Variants in REXO2 observed in about 807,000 individuals in gnomAD.
REXO2 encodes the protein RNA exonuclease 2.
In REXO2, 17 loss-of-function variants were observed where a neutral mutation model predicts 30.9. The observed-to-expected ratio is 0.55, with a 90% CI of 0.38 to 0.82. The LOEUF (loss-of-function observed/expected upper bound fraction) is 0.82, where lower values mean the gene tolerates loss of function less well. REXO2 is among the 40% of genes least tolerant of loss of function. The pLI is 0.00. For synonymous variants in REXO2, 105 were observed against 99.6 expected (o/e 1.05, Z -0.32); for missense variants, 253 against 293.2 (o/e 0.86, Z 1.00).
chr11:114,449,967 G>T lies in REXO2; in HGVS notation c.706G>T (p.Val236Leu). Residue 236 changes from valine to leucine, a missense_variant, in exon 7 of 7, where the codon GTG becomes TTG. By Grantham distance (32) the Val-to-Leu change is conservative. Transcript: ENST00000265881. Reference sequence around the variant, plus strand: ...AGAAAATGGGGAAAATGAGAAGACCGTGAGTTGATGCCAGTTATCATGCTG... The same window carrying T: ...AGAAAATGGGGAAAATGAGAAGACCTTGAGTTGATGCCAGTTATCATGCTG... ...IIENGENEKT[V>L]S 6.3e-7 allele frequency: 1 copy of T among 1,598,654 alleles called. No individual in the cohort carries two copies.
rs1946470569 is a variant in REXO2, at chr11:114,440,673, T to C, written c.165T>C (p.Ile55=). 1 of 1,613,386 alleles carries C rather than the reference T, an allele frequency of 6.2e-7. No homozygotes were observed. Among genetic ancestry groups the C allele is most frequent in the South Asian group, 1.1e-5 (1 of 91,032 alleles). Residue 55 remains isoleucine (I), a synonymous_variant, in exon 2 of 7, where the codon ATT becomes ATC. Coordinates refer to ENST00000265881, the MANE Select transcript of REXO2 (RefSeq NM_015523.4). ...WVDLEMTGLD[I]EKDQIIEMAC... ...AATTGCAGATGACAGGATTGGACAT[T>C]GAGAAGGACCAGATTATTGAGATGG...
Position 114,447,823 on chromosome 11 carries a change from T to C in REXO2, c.531-3T>C, listed in dbSNP as rs2134787780. The C allele has an allele frequency of 6.2e-7, 1 of 1,613,262 alleles. No homozygotes were observed. The highest frequency in any genetic ancestry group is 2.2e-5 in the East Asian group (1 of 44,862). ...TTGAGAGTTCCATTTCTGCTGTGTA[T>C]AGACGCTGGTATCCAGAAGAATATG... On this transcript the variant is annotated splice_region_variant and splice_polypyrimidine_tract_variant and intron_variant, in intron 5 of 6. Coordinates refer to ENST00000265881, the MANE Select transcript of REXO2 (RefSeq NM_015523.4).
In REXO2 at chr11:114,447,790, A is replaced by C. The variant is rs952329826; in HGVS notation, c.531-36A>C. On this transcript the variant is annotated intron_variant, in intron 5 of 6. Coordinates refer to ENST00000265881, the MANE Select transcript of REXO2 (RefSeq NM_015523.4). ...GGTAATTGTTCAGTATATTTGAGACAGCTTCCTTTGAGAGTTCCATTTCTG... is the reference window on the plus strand; with the variant it reads ...GGTAATTGTTCAGTATATTTGAGACCGCTTCCTTTGAGAGTTCCATTTCTG... 5 of 1,574,052 alleles carry C rather than the reference A, an allele frequency of 3.2e-6. No homozygotes were observed. The African/African-American group carries it at 5.4e-5, about 17-fold the overall frequency.
At chr11:114,449,442 A>AATTC (rs5794913) in intron 6 of REXO2, among the ~76,000 whole-genome samples, 1 of 151,380 alleles carries the variant, frequency 6.6e-6, no homozygotes, top group Non-Finnish European at 1.5e-5. Context: ...AAAATTAATA[A>AATTC]ATTAGAAATA....
chr11:114,448,291 T>C (rs1165830364), intron 6 of REXO2, among the ~76,000 whole-genome samples: 3 of 152,238 alleles, frequency 2.0e-5, no homozygotes, highest in African/African-American at 7.2e-5. Flanking sequence ...CTCTTATGTC[T>C]GTAGCCTTAG....
At chr11:114,447,064 G>A (rs1302423987) in intron 5 of REXO2, among the ~76,000 whole-genome samples, 1 of 148,162 alleles carries the variant, frequency 6.7e-6, no homozygotes, top group Non-Finnish European at 1.5e-5. Flanking sequence ...TCAGCCTCCC[G>A]AGTAGCTGGG....
chr11:114,441,209 T>TA (rs200719390), intron 2 of REXO2, among the ~76,000 whole-genome samples: 1,821 of 152,306 alleles, frequency 0.012, 13 homozygotes, highest in Middle Eastern at 0.024. Flanking sequence ...AAGGTGCTCC[T>TA]AACAAGTAGG....
At chr11:114,440,556 CA>C in intron 1 of REXO2, 99 bp from the exon 2 acceptor site, 1 of 877,590 alleles carries the variant, frequency 1.1e-6, no homozygotes, top group South Asian at 1.5e-5. Flanking sequence ...CTATGGATTA[CA>C]AGCTGACTAT....
intron 4 of REXO2, chr11:114,445,658 A>G (rs767474829): frequency 3.4e-5 from 6 of 177,896 alleles, no homozygotes; most frequent in Non-Finnish European, 7.0e-5. Context: ...ACTGGGAGAA[A>G]GTTTGCATAT....
In REXO2 at chr11:114,440,970, A is replaced by G. The variant is rs1379572955; in HGVS notation, c.231+231A>G. On this transcript the variant is annotated intron_variant, in intron 2 of 6. Coordinates refer to ENST00000265881, the MANE Select transcript of REXO2 (RefSeq NM_015523.4). ...TTAATTAACCATGCCAGAAATTTACAGAAACATAAATTCTGTCGTTTACTG... is the reference window on the plus strand; with the variant it reads ...TTAATTAACCATGCCAGAAATTTACGGAAACATAAATTCTGTCGTTTACTG... 5 of 414,118 alleles carry G rather than the reference A, an allele frequency of 1.2e-5. No homozygotes were observed. In the South Asian group the frequency reaches 2.0e-4, roughly 17 times the overall value. 25.7% of individuals were successfully genotyped at this position (414,118 alleles called of 1,614,324 possible).
intron 4 of REXO2, 144 bp downstream of exon 4, chr11:114,444,796 T>A (rs762665347): frequency 6.1e-5 from 27 of 445,084 alleles, no homozygotes; most frequent in Admixed American, 1.7e-4. Context: ...TCTGTTCAAG[T>A]TTCTCTGTGT....
chr11:114,446,326 A>G, intron 5 of REXO2: 2 of 333,006 alleles, frequency 6.0e-6, no homozygotes, highest in Non-Finnish European at 1.1e-5. Context: ...ATAAGTGCTC[A>G]ATACATTTTC....
intron 6 of REXO2, among the ~76,000 whole-genome samples, 171 bp from the exon 7 acceptor site, chr11:114,449,675 G>A (rs527951791): frequency 6.6e-6 from 1 of 152,076 alleles, no homozygotes; most frequent in South Asian, 2.1e-4. Context: ...AAAAAACAAA[G>A]CATTTAAAGA....
rs185166967 is a variant in REXO2 at position 114,441,656 on chromosome 11, A to G, written c.231+917A>G. 6.1e-4 allele frequency: 418 copies of G among 684,614 alleles called. 2 individuals are homozygous for G. Among genetic ancestry groups the G allele is most frequent in the African/African-American group, 6.0e-3 (344 of 56,900 alleles). 42.4% of individuals were successfully genotyped at this position (684,614 alleles called of 1,614,324 possible). On this transcript the variant is annotated intron_variant, in intron 2 of 6. Transcript: ENST00000265881. ...TGGAAAAGAGAGTCTTGTTAAAATAAGTTCCTAGAGGGTAGCATTGATATG... is the reference window on the plus strand; with the variant it reads ...TGGAAAAGAGAGTCTTGTTAAAATAGGTTCCTAGAGGGTAGCATTGATATG...
Position 114,450,085 on chromosome 11 carries a change from GATTGATTA to G in REXO2, c.*111_*118del. On this transcript the variant is annotated 3_prime_UTR_variant, in exon 7 of 7. Coordinates refer to ENST00000265881, the MANE Select transcript of REXO2 (RefSeq NM_015523.4). ...CACCTTCGGTTAACTTGCATCTCCAGATTGATTACTCAAGCAGACAGCACACGAAATAC... is the reference window on the plus strand; with the variant it reads ...CACCTTCGGTTAACTTGCATCTCCAGCTCAAGCAGACAGCACACGAAATAC... The G allele has an allele frequency of 1.8e-6, 2 of 1,097,730 alleles. No individual in the cohort carries two copies. The highest frequency in any genetic ancestry group is 3.1e-5 in the South Asian group (2 of 64,084). 68.0% of individuals were successfully genotyped at this position (1,097,730 alleles called of 1,614,324 possible). A position where few individuals can be genotyped will look rare whatever the true frequency, so the allele number is the denominator to read the frequency against.
At chr11:114,447,933 A>G in intron 6 of REXO2, 54 bp downstream of exon 6, 2 of 1,355,970 alleles carry the variant, frequency 1.5e-6, no homozygotes, top group Non-Finnish European at 2.1e-6. Context: ...TTAACTCCCA[A>G]ATTCCTGACT....
intron 3 of REXO2, 69 bp from the exon 4 acceptor site, chr11:114,444,472 T>G: frequency 8.9e-7 from 1 of 1,124,680 alleles, no homozygotes; most frequent in Non-Finnish European, 1.4e-6. Context: ...TGAAATTTCA[T>G]TTCTGGATGC....
chr11:114,445,201 TTTAG>T (rs1458781501), intron 4 of REXO2: 1 of 152,230 alleles, frequency 6.6e-6, no homozygotes, highest in African/African-American at 2.4e-5. Flanking sequence ...GTGCATTTCA[TTTAG>T]TTATATTTCT....
Position 114,444,660 on chromosome 11 carries a change from C to T in REXO2, c.421+8C>T. The T allele has an allele frequency of 1.3e-6, 2 of 1,545,962 alleles. No individual in the cohort carries two copies. Among genetic ancestry groups the T allele is most frequent in the Non-Finnish European group, 1.8e-6 (2 of 1,141,026 alleles). On this transcript the variant is annotated splice_region_variant and intron_variant, in intron 4 of 6. Transcript: ENST00000265881. ...GGCTCTGTCCACTTGCAGGTAAAATCCAATCCTGTGTATATCTTATAGTCT... is the reference window on the plus strand; with the variant it reads ...GGCTCTGTCCACTTGCAGGTAAAATTCAATCCTGTGTATATCTTATAGTCT...
Sources: gnomAD v4.1 joint callset for allele counts (sites outside exome capture counted in the v4.1 genomes callset) on GRCh38, gnomAD v4.1.1 for gene constraint, MANE v1.5 for transcripts, NCBI Gene and HGNC (gene_info 2026-07-23, HGNC 2026-07-21) for gene names.